SORL1: variants seen among roughly 807,000 people sequenced by gnomAD.
SORL1 encodes sortilin-related receptor.
A neutral mutation model predicts 273.7 loss-of-function variants in SORL1; 127 were observed. That is an observed-to-expected ratio of 0.46 (90% CI 0.40 to 0.54). The LOEUF (loss-of-function observed/expected upper bound fraction) is 0.54. Among genes scored for constraint, SORL1 ranks in the 20% least tolerant of loss-of-function variants. The pLI, the probability that SORL1 is intolerant of heterozygous loss-of-function variation, is 0.00. For synonymous variants in SORL1, 1,031 were observed against 1,067.4 expected (o/e 0.97, Z 0.66); for missense variants, 2,494 against 2,846.1 (o/e 0.88, Z 2.81).
chr11:121,595,920 C>A lies in SORL1; in HGVS notation c.4519+148C>A. On this transcript the variant is annotated intron_variant, in intron 32 of 47. Transcript: ENST00000260197. This position sits in a 1 kb window ranked among gnomAD's most constrained non-coding sequence, Gnocchi z 5.1. ...ATGCTCTTACTGCATTCTCCACAAG[C>A]GCTTTGCCACGTGCACCCATACCAT... is the stretch of plus-strand genomic sequence containing the variant. The A allele has an allele frequency of 1.3e-6, 1 of 796,600 alleles. No individual in the cohort carries two copies. Among genetic ancestry groups the A allele is most frequent in the Non-Finnish European group, 1.9e-6 (1 of 527,396 alleles). 49.3% of individuals were successfully genotyped at this position (796,600 alleles called of 1,614,324 possible). A position where few individuals can be genotyped will look rare whatever the true frequency, so the allele number is the denominator to read the frequency against.
Position 121,514,082 on chromosome 11 carries a change from G to T in SORL1, c.1042-70G>T, listed in dbSNP as rs765594734. The T allele has an allele frequency of 1.9e-5, 28 of 1,492,364 alleles. No individual in the cohort carries two copies. The South Asian group carries it at 3.1e-4, about 17-fold the overall frequency. 92.4% of individuals were successfully genotyped at this position (1,492,364 alleles called of 1,614,324 possible). On this transcript the variant is annotated intron_variant, in intron 7 of 47. Transcript: ENST00000260197. ...AGAACATTTGAAAGTCATTGCTTCC[G>T]TGTGTATAGTAAAAGCCCACAGGGC... is the stretch of plus-strand genomic sequence containing the variant.
At position 121,515,683 on chromosome 11, in the gene SORL1, G is replaced by A. The variant is rs1354400071; in HGVS notation, c.1211+1362G>A. 3.9e-5 allele frequency among the ~76,000 whole-genome samples: 6 copies of A among 152,098 alleles called. No individual in the cohort carries two copies. In the East Asian group the frequency reaches 7.7e-4, roughly 20 times the overall value. On this transcript the variant is annotated intron_variant, in intron 8 of 47. Coordinates refer to ENST00000260197, the MANE Select transcript of SORL1 (RefSeq NM_003105.6). ...TTGTTTGTTTTTGAGATGGAGTCTC[G>A]CTCTGTCGCCCAGGCTGGAGTGCAG...
intron 1 of SORL1, among the ~76,000 whole-genome samples, chr11:121,467,826 T>C (rs969917586): frequency 3.9e-5 from 6 of 152,194 alleles, no homozygotes; most frequent in African/African-American, 1.4e-4. Context: ...TATTTGCACT[T>C]CTCTGTTAGT....
intron 22 of SORL1, among the ~76,000 whole-genome samples, chr11:121,569,894 C>T (rs887238716): frequency 4.6e-5 from 7 of 152,080 alleles, no homozygotes; most frequent in African/African-American, 9.7e-5. Context: ...CGGAACCTGC[C>T]GACATGTGAT....
intron 2 of SORL1, among the ~76,000 whole-genome samples, chr11:121,477,561 T>C (rs185517717): frequency 6.6e-6 from 1 of 152,354 alleles, no homozygotes; most frequent in African/African-American, 2.4e-5. Flanking sequence ...GAAAAGAGGC[T>C]TGTGTATTCC....
chr11:121,593,678 A>T (rs960403076), intron 31 of SORL1, among the ~76,000 whole-genome samples: 4 of 152,154 alleles, frequency 2.6e-5, no homozygotes, highest in African/African-American at 9.7e-5. Context: ...ATGATGACGC[A>T]GTGGCCAAGG....
intron 1 of SORL1, among the ~76,000 whole-genome samples, chr11:121,460,553 G>A (rs1401043145): frequency 2.6e-5 from 4 of 151,892 alleles, no homozygotes; most frequent in African/African-American, 4.8e-5. Flanking sequence ...GCACCACCAC[G>A]CCCGGCTAAT....
At chr11:121,476,453 G>A (rs1255971370) in intron 2 of SORL1, among the ~76,000 whole-genome samples, 1 of 152,156 alleles carries the variant, frequency 6.6e-6, no homozygotes, top group East Asian at 1.9e-4. Flanking sequence ...TATTAAAGAC[G>A]TGCATGTGCT....
chr11:121,521,824 T>C (rs1456487770), intron 9 of SORL1, among the ~76,000 whole-genome samples: 1 of 152,262 alleles, frequency 6.6e-6, no homozygotes, highest in Non-Finnish European at 1.5e-5. Flanking sequence ...CTACCATTTT[T>C]ACCTGACCAT....
intron 3 of SORL1, among the ~76,000 whole-genome samples, chr11:121,480,623 G>A (rs1861358021): frequency 1.4e-5 from 2 of 147,226 alleles, no homozygotes; most frequent in Admixed American, 6.7e-5. Flanking sequence ...CTCCCCTAGT[G>A]CACAGATACC....
At chr11:121,561,093 T>C (rs1269096767) in intron 21 of SORL1, among the ~76,000 whole-genome samples, 2 of 152,226 alleles carry the variant, frequency 1.3e-5, no homozygotes, top group Non-Finnish European at 2.9e-5. Flanking sequence ...ATTTTTAGTA[T>C]TTCTCCAAGT....
At chr11:121,490,663 C>G (rs1192465312) in intron 5 of SORL1, among the ~76,000 whole-genome samples, 2 of 151,106 alleles carry the variant, frequency 1.3e-5, no homozygotes, top group Non-Finnish European at 2.9e-5. Context: ...ACTGCTTCAA[C>G]CTGGGAGGCA....
In SORL1 at chr11:121,556,701, G is replaced by A. The variant is rs577037457; in HGVS notation, c.2572-613G>A. Among the ~76,000 whole-genome samples the A allele has an allele frequency of 1.0e-3, 153 of 152,312 alleles. 2 individuals carry two copies. Among genetic ancestry groups the A allele is most frequent in the Non-Finnish European group, 2.6e-4 (18 of 68,022 alleles). ...TGGTCCAGGTGGGTCAGAAGAGTTAGGAAAGTAGGCAGGCCTGGCAGTGAG... is the reference window on the plus strand; with the variant it reads ...TGGTCCAGGTGGGTCAGAAGAGTTAAGAAAGTAGGCAGGCCTGGCAGTGAG... On this transcript the variant is annotated intron_variant, in intron 18 of 47. Transcript: ENST00000260197.
chr11:121,525,842 G>A (rs1214620779), intron 11 of SORL1, among the ~76,000 whole-genome samples: 2 of 152,094 alleles, frequency 1.3e-5, no homozygotes, highest in Non-Finnish European at 2.9e-5. Context: ...GGAGCCATGG[G>A]CAACATAGGG....
intron 11 of SORL1, among the ~76,000 whole-genome samples, chr11:121,529,791 G>A (rs1315447511): frequency 6.6e-6 from 1 of 152,044 alleles, no homozygotes. Context: ...AAATGCTTAG[G>A]CCATTAACAT....
At chr11:121,490,378 C>T (rs1457988221) in intron 5 of SORL1, among the ~76,000 whole-genome samples, 1 of 151,888 alleles carries the variant, frequency 6.6e-6, no homozygotes, top group Non-Finnish European at 1.5e-5. Flanking sequence ...ATCTTGAGGC[C>T]CTTGCATGTT....
rs571236222 is a variant in SORL1, at chr11:121,463,999, C to T, written c.286-6008C>T. ...TTTCGTCATATAGTTCAGGGGAGTG[C>T]CTGGCTCCTTCTGTCCTCACAGTTG... is the stretch of plus-strand genomic sequence containing the variant. On this transcript the variant is annotated intron_variant, in intron 1 of 47. Transcript: ENST00000260197. 3.9e-5 allele frequency among the ~76,000 whole-genome samples: 6 copies of T among 152,288 alleles called. No homozygotes were observed. The East Asian group carries it at 1.2e-3, about 29-fold the overall frequency.
At chr11:121,567,473 C>T (rs1049578060) in intron 22 of SORL1, among the ~76,000 whole-genome samples, 9 of 152,200 alleles carry the variant, frequency 5.9e-5, no homozygotes, top group African/African-American at 1.2e-4. Flanking sequence ...CTTACCTGCT[C>T]CTGTTTTGCA....
intron 12 of SORL1, among the ~76,000 whole-genome samples, chr11:121,533,047 G>T (rs144711807): frequency 6.6e-6 from 1 of 152,140 alleles, no homozygotes; most frequent in Non-Finnish European, 1.5e-5. Context: ...CACAAAGGGA[G>T]ATTGTGAGCA....
Sources: allele counts gnomAD v4.1 joint callset (sites outside exome capture counted in the v4.1 genomes callset), GRCh38; gene constraint gnomAD v4.1.1; non-coding constraint Gnocchi (gnomAD v3.1); transcripts MANE v1.5; gene names NCBI Gene and HGNC (gene_info 2026-07-23, HGNC 2026-07-21).